DDX19A: variants seen among roughly 807,000 people sequenced by gnomAD.
DDX19A encodes the protein ATP-dependent RNA helicase DDX19A.
A neutral mutation model predicts 60.6 loss-of-function variants in DDX19A; 12 were observed. The ratio of observed to expected loss-of-function variants is 0.20; its 90% CI spans 0.13 to 0.32. The LOEUF is 0.32. Ranked by LOEUF, DDX19A falls within the 10% of genes least tolerant of loss-of-function variation. The pLI is 1.00. For missense variants in DDX19A, 337 were observed against 600.6 expected (o/e 0.56, Z 4.59); for synonymous variants, 206 against 218.2 (o/e 0.94, Z 0.49).
At chr16:70,350,698 T>C in intron 2 of DDX19A, 93 bp downstream of exon 2, 1 of 951,626 alleles carries the variant, frequency 1.1e-6, no homozygotes, top group Non-Finnish European at 1.6e-6. Context: ...TGTCATTTCG[T>C]GTAAACTTCA....
chr16:70,364,957 G>A, intron 6 of DDX19A, 60 bp from the exon 7 acceptor site: 2 of 1,274,898 alleles, frequency 1.6e-6, no homozygotes, highest in Non-Finnish European at 2.3e-6. Context: ...CATACTGGGT[G>A]CCTTCAGGTC....
In DDX19A at chr16:70,373,036, C is replaced by G. The variant is rs955732676; in HGVS notation, c.*1050C>G. Reference sequence around the variant, plus strand: ...TCGGTTGAGCTCAGGCGTTCGGGACCAGCCTGGCCAACATGATGAAACCCC... The same window carrying G: ...TCGGTTGAGCTCAGGCGTTCGGGACGAGCCTGGCCAACATGATGAAACCCC... On this transcript the variant is annotated 3_prime_UTR_variant, in exon 12 of 12. Coordinates refer to ENST00000302243, the MANE Select transcript of DDX19A (RefSeq NM_018332.5). The G allele has an allele frequency of 2.0e-5, 3 of 151,916 alleles. No homozygotes were observed. The highest frequency in any genetic ancestry group is 7.3e-5 in the African/African-American group (3 of 41,354). 9.4% of individuals were successfully genotyped at this position (151,916 alleles called of 1,614,324 possible).
chr16:70,356,362 C>CTTT, intron 4 of DDX19A, 115 bp downstream of exon 4: 2 of 1,301,046 alleles, frequency 1.5e-6, no homozygotes, highest in Non-Finnish European at 2.1e-6. Flanking sequence ...GTATTTTTTC[C>CTTT]TTTTTTTTTT....
intron 4 of DDX19A, among the ~76,000 whole-genome samples, chr16:70,357,366 G>GATTTTTTTTTTTT (rs1964236412): frequency 2.2e-5 from 1 of 44,596 alleles, no homozygotes; most frequent in Non-Finnish European, 4.1e-5. Context: ...TTTTTGGTTT[G>GATTTTTTTTTTTT]TTTTTTTTTT....
At chr16:70,351,572 C>T (rs754642647) in intron 2 of DDX19A, among the ~76,000 whole-genome samples, 3 of 151,620 alleles carry the variant, frequency 2.0e-5, no homozygotes, top group Non-Finnish European at 2.9e-5. Flanking sequence ...CCACGCAGGC[C>T]GGAGTGCAGT....
chr16:70,371,177 C>T (rs529201258), intron 10 of DDX19A, 195 bp from the exon 11 acceptor site: 9 of 957,600 alleles, frequency 9.4e-6, no homozygotes, highest in African/African-American at 3.3e-5. Flanking sequence ...TTTGTTGGCA[C>T]TTGCCAAAGT....
chr16:70,350,502 A>G, intron 1 of DDX19A, 55 bp from the exon 2 acceptor site: 1 of 1,390,070 alleles, frequency 7.2e-7, no homozygotes. Context: ...TTTCTTAGGG[A>G]CCTTCCTTTT....
chr16:70,370,258 C>A lies in DDX19A; in HGVS notation c.1056C>A (p.Leu352=). 6.2e-7 allele frequency: 1 copy of A among 1,614,034 alleles called. No homozygotes were observed. The highest frequency in any genetic ancestry group is 8.5e-7 in the Non-Finnish European group (1 of 1,180,000). The change falls in exon 10 of 12, where the codon CTC becomes CTA. Residue 352 remains leucine, a synonymous_variant. Coordinates refer to ENST00000302243, the MANE Select transcript of DDX19A (RefSeq NM_018332.5). ...CAGCTAGTTGGCTGGCAGCAGAGCT[C>A]TCAAAAGAAGGCCACCAGGTGGCTC... The part of the protein sequence containing the change: ...RKTASWLAAE[L]SKEGHQVALL...
intron 2 of DDX19A, among the ~76,000 whole-genome samples, chr16:70,354,643 T>C (rs1964128166): frequency 1.3e-5 from 2 of 152,040 alleles, no homozygotes; most frequent in South Asian, 4.1e-4. Flanking sequence ...TCAAAATTTC[T>C]AGAAATTTAA....
rs981527985 is a variant in DDX19A at position 70,356,267 on chromosome 16, A to T, written c.293+20A>T. On this transcript the variant is annotated intron_variant, in intron 4 of 11. Coordinates refer to ENST00000302243, the MANE Select transcript of DDX19A (RefSeq NM_018332.5). The stretch of plus-strand genomic sequence containing the variant: ...TCGGCTGTGAGTATTCGCTCCTTTC[A>T]ACAGCTCTTCGTTGCCAGTCTCTCC... 9 of 1,613,456 alleles carry T rather than the reference A, an allele frequency of 5.6e-6. No homozygotes were observed. The African/African-American group carries it at 9.3e-5, about 17-fold the overall frequency.
At chr16:70,353,850 G>A (rs1267373269) in intron 2 of DDX19A, among the ~76,000 whole-genome samples, 2 of 149,868 alleles carry the variant, frequency 1.3e-5, no homozygotes, top group Non-Finnish European at 3.0e-5. Context: ...GCAGTGAGCC[G>A]AGATCGTGCC....
At chr16:70,366,472 T>C (rs1024553084) in intron 8 of DDX19A, 152 bp from the exon 9 acceptor site, 49 of 1,268,690 alleles carry the variant, frequency 3.9e-5, no homozygotes, top group African/African-American at 2.4e-4. Context: ...TCCCCAACCC[T>C]TGTCCCCATC....
chr16:70,349,440 C>T (rs1031381930), intron 1 of DDX19A, among the ~76,000 whole-genome samples: 1 of 152,198 alleles, frequency 6.6e-6, no homozygotes, highest in African/African-American at 2.4e-5. Context: ...GACTGACCCC[C>T]TCTTATCAGT....
At chr16:70,348,562 G>A (rs1360124998) in intron 1 of DDX19A, among the ~76,000 whole-genome samples, 1 of 151,078 alleles carries the variant, frequency 6.6e-6, no homozygotes, top group Non-Finnish European at 1.5e-5. Flanking sequence ...GGGAGGTGGA[G>A]GTTGCAGTGA....
chr16:70,350,009 C>A (rs1242480388), intron 1 of DDX19A, among the ~76,000 whole-genome samples: 4 of 152,116 alleles, frequency 2.6e-5, no homozygotes, highest in Non-Finnish European at 5.9e-5. Flanking sequence ...ATGAAAGTGA[C>A]AGAAGGCTGG....
At chr16:70,348,495 C>A (rs962949383) in intron 1 of DDX19A, among the ~76,000 whole-genome samples, 1 of 151,770 alleles carries the variant, frequency 6.6e-6, no homozygotes, top group Non-Finnish European at 1.5e-5. Context: ...GCGTGGTAGT[C>A]GTCCCCTGTT....
rs536415652 is a variant in DDX19A, at chr16:70,366,894, C to T, written c.1020+33C>T. On this transcript the variant is annotated intron_variant, in intron 9 of 11. Transcript: ENST00000302243. ...GCAGCGGCAGTGGCAGGCCTGGCCC[C>T]TCCCTCTCAGCCAGCTCCCCACAGG... The T allele has an allele frequency of 2.7e-4, 434 of 1,613,060 alleles. 8 individuals are homozygous for T. The South Asian group carries it at 3.1e-3, about 11-fold the overall frequency.
chr16:70,356,908 T>G (rs1696713541), intron 4 of DDX19A: 2 of 1,217,430 alleles, frequency 1.6e-6, no homozygotes, highest in Non-Finnish European at 2.1e-6. Context: ...TCTGATTAGG[T>G]AAGCCCTTAA....
chr16:70,362,528 T>C (rs927071682), intron 5 of DDX19A, among the ~76,000 whole-genome samples: 3 of 152,128 alleles, frequency 2.0e-5, no homozygotes, highest in Non-Finnish European at 2.9e-5. Flanking sequence ...GTCCAGTTGA[T>C]AGTTGAAGCC....
Sources: allele counts gnomAD v4.1 joint callset (sites outside exome capture counted in the v4.1 genomes callset), GRCh38; gene constraint gnomAD v4.1.1; transcripts MANE v1.5; gene names NCBI Gene and HGNC (gene_info 2026-07-23, HGNC 2026-07-21).